Variants in ADGRV1 observed in about 807,000 individuals in gnomAD.
The protein encoded by ADGRV1 is adhesion G protein-coupled receptor V1, also known as G-protein coupled receptor 98.
A neutral mutation model predicts 596.2 loss-of-function variants in ADGRV1; 359 were observed. That is an observed-to-expected ratio of 0.60 (90% CI 0.55 to 0.66). The LOEUF (loss-of-function observed/expected upper bound fraction) is 0.66, where lower values mean the gene tolerates loss of function less well. Ranked by LOEUF, ADGRV1 falls within the 30% of genes least tolerant of loss-of-function variation. The probability of loss-of-function intolerance (pLI) is 0.00; values close to 1 mark genes in which losing one functional copy is unlikely to be tolerated. For synonymous variants in ADGRV1, 2,681 were observed against 2,679.2 expected, an observed-to-expected ratio of 1.00 and a Z score of -0.02; for missense variants, 7,274 against 7,575.6, an observed-to-expected ratio of 0.96 and a Z score of 1.48.
chr5:91,156,173 A>G lies in ADGRV1; in HGVS notation c.18802+2775A>G, dbSNP rs895644651. Among the ~76,000 whole-genome samples, 6 of 152,220 alleles carry G rather than the reference A, an allele frequency of 3.9e-5. 1 individual carries two copies. The South Asian group carries it at 8.3e-4, about 21-fold the overall frequency. On this transcript the variant is annotated intron_variant, in intron 89 of 89. Coordinates refer to ENST00000405460, the MANE Select transcript of ADGRV1 (RefSeq NM_032119.4). ...GATAAAAGGTAATGATTTGAAATGC[A>G]TCAGCACAGAGATGATATTTGAAGC...
chr5:90,792,631 A>G (rs1298876478), intron 70 of ADGRV1: 1 of 152,254 alleles, frequency 6.6e-6, no homozygotes, highest in Non-Finnish European at 1.5e-5. Flanking sequence ...AAGTTCCTAC[A>G]GCATATTTCT....
intron 83 of ADGRV1, among the ~76,000 whole-genome samples, chr5:90,891,396 G>A (rs1561902891): frequency 2.6e-5 from 4 of 151,422 alleles, no homozygotes; most frequent in Admixed American, 1.3e-4. Context: ...TGACTGATAA[G>A]TGATAGCTAT....
chr5:91,011,574 A>T (rs1013945042), intron 85 of ADGRV1, among the ~76,000 whole-genome samples: 22 of 152,026 alleles, frequency 1.4e-4, no homozygotes, highest in African/African-American at 5.3e-4. Flanking sequence ...ATATGTATTA[A>T]CATATTAATA....
At chr5:90,766,060 C>A (rs1311553495) in intron 59 of ADGRV1, among the ~76,000 whole-genome samples, 2 of 152,056 alleles carry the variant, frequency 1.3e-5, no homozygotes, top group African/African-American at 2.4e-5. Flanking sequence ...CAGGCGCCCG[C>A]CACCACACCT....
At chr5:90,881,587 A>C (rs1769778966) in intron 83 of ADGRV1, among the ~76,000 whole-genome samples, 1 of 152,166 alleles carries the variant, frequency 6.6e-6, no homozygotes. Context: ...GCAAAGGATA[A>C]AGATTGGGTG....
Position 90,614,997 on chromosome 5 carries a change from C to A in ADGRV1, c.185C>A (p.Ala62Glu). 6.8e-7 allele frequency: 1 copy of A among 1,474,330 alleles called. No individual in the cohort carries two copies. Among genetic ancestry groups the A allele is most frequent in the Non-Finnish European group, 9.1e-7 (1 of 1,104,828 alleles). 91.3% of individuals were successfully genotyped at this position (1,474,330 alleles called of 1,614,324 possible). A position where few individuals can be genotyped will look rare whatever the true frequency, so the allele number is the denominator to read the frequency against. Residue 62 changes from alanine (A) to glutamate (E), a missense_variant, in exon 2 of 90, where the codon GCA becomes GAA. Ala to Glu is a moderately radical substitution (Grantham distance 107). Transcript: ENST00000405460. ...ATCATTGAAAGGATAGGAGAGCCAGCAAATGTTACTGCAATTGTATCGGTA... is the reference window on the plus strand; with the variant it reads ...ATCATTGAAAGGATAGGAGAGCCAGAAAATGTTACTGCAATTGTATCGGTA... ...RLIIERIGEP[A>E]NVTAIVSLYG...
chr5:90,899,475 A>T (rs79029354), intron 83 of ADGRV1, among the ~76,000 whole-genome samples: 3,937 of 152,198 alleles, frequency 0.026, 156 homozygotes, highest in African/African-American at 0.09. Flanking sequence ...CAAAGCTGAA[A>T]AAACTTGGCC....
chr5:90,575,127 G>A (rs1274261838), intron 1 of ADGRV1, among the ~76,000 whole-genome samples: 4 of 151,574 alleles, frequency 2.6e-5, no homozygotes, highest in Non-Finnish European at 5.9e-5. Context: ...TCTGTGGGTA[G>A]CTTTGGGATT....
At chr5:90,568,205 T>C (rs1404833278) in intron 1 of ADGRV1, among the ~76,000 whole-genome samples, 1 of 152,134 alleles carries the variant, frequency 6.6e-6, no homozygotes, top group African/African-American at 2.4e-5. Flanking sequence ...GGTGGCAGTT[T>C]AGGTTCTTTA....
intron 82 of ADGRV1, 79 bp from the exon 83 acceptor site, chr5:90,863,678 C>T (rs982563589): frequency 2.0e-5 from 21 of 1,037,150 alleles, no homozygotes; most frequent in Non-Finnish European, 2.7e-5. Flanking sequence ...TGCCTAGCTG[C>T]CCCCAAAGAT....
At position 91,035,861 on chromosome 5, in the gene ADGRV1, T is replaced by TAAAA; in HGVS notation, c.18153-36586_18153-36585insAAAA. Among the ~76,000 whole-genome samples the TAAAA allele has an allele frequency of 1.2e-3, 116 of 96,370 alleles. 1 individual carries two copies. In the South Asian group the frequency reaches 0.014, roughly 11 times the overall value. The allele number at this position is 96,370 out of a possible 152,430, so 63.2% of individuals were successfully genotyped here. On this transcript the variant is annotated intron_variant, in intron 85 of 89. Coordinates refer to ENST00000405460, the MANE Select transcript of ADGRV1 (RefSeq NM_032119.4). ...ATGAGTGTGTATATATATATATATA[T>TAAAA]TATATATATATATATATATATCTTA...
chr5:90,841,080 T>C, intron 78 of ADGRV1, 95 bp downstream of exon 78: 1 of 815,884 alleles, frequency 1.2e-6, no homozygotes, highest in Non-Finnish European at 1.8e-6. Context: ...TTAACATTGG[T>C]TATTATGAAA....
At chr5:90,859,430 A>G (rs984760548) in intron 82 of ADGRV1, among the ~76,000 whole-genome samples, 1 of 152,012 alleles carries the variant, frequency 6.6e-6, no homozygotes, top group Non-Finnish European at 1.5e-5. Flanking sequence ...TTTAATAAAA[A>G]TTATTTTATT....
Position 90,705,565 on chromosome 5 carries a change from A to G in ADGRV1, c.8552A>G (p.Glu2851Gly). The G allele has an allele frequency of 1.2e-6, 2 of 1,613,474 alleles. No individual in the cohort carries two copies. Among genetic ancestry groups the G allele is most frequent in the Non-Finnish European group, 1.7e-6 (2 of 1,179,610 alleles). The change falls in exon 37 of 90, where the codon GAA becomes GGA. Residue 2851 changes from glutamate (E) to glycine (G), a missense_variant. Around this residue, in one of 5 missense-constraint regions of ADGRV1, gnomAD observed 3,643 missense variants for 3,809.2 expected, o/e 0.96. Coordinates refer to ENST00000405460, the MANE Select transcript of ADGRV1 (RefSeq NM_032119.4). ...ACAATTCAGCTTTTCATCAACAGAG[A>G]ATTTGGATCTCTAGGTTTGTGTTAC... ...NITIQLFINREFGSLGAINVT... is the reference protein window; with the variant it reads ...NITIQLFINRGFGSLGAINVT...
chr5:90,875,025 C>T (rs575870828), intron 83 of ADGRV1, among the ~76,000 whole-genome samples: 2 of 152,162 alleles, frequency 1.3e-5, no homozygotes, highest in East Asian at 1.9e-4. Context: ...TAAAGCAAAA[C>T]AAAACCAGAA....
At chr5:90,613,399 A>G (rs908821763) in intron 1 of ADGRV1, among the ~76,000 whole-genome samples, 1 of 152,070 alleles carries the variant, frequency 6.6e-6, no homozygotes, top group Non-Finnish European at 1.5e-5. Flanking sequence ...TTAGCTCAGA[A>G]CTGCTCCCCC....
At chr5:90,659,344 C>T (rs776556729) in intron 21 of ADGRV1, among the ~76,000 whole-genome samples, 28 of 152,176 alleles carry the variant, frequency 1.8e-4, no homozygotes, top group South Asian at 1.7e-3. Context: ...AATATAGGTG[C>T]GTTATTAACC....
chr5:90,728,987 T>G, intron 49 of ADGRV1, 54 bp downstream of exon 49: 4 of 1,213,096 alleles, frequency 3.3e-6, no homozygotes, highest in Non-Finnish European at 4.6e-6. Context: ...TCATCTAGCA[T>G]TCATATGGTA....
At chr5:90,766,310 C>T (rs1004795469) in intron 59 of ADGRV1, among the ~76,000 whole-genome samples, 1 of 152,048 alleles carries the variant, frequency 6.6e-6, no homozygotes, top group Admixed American at 6.6e-5. Context: ...GCCAATCAAC[C>T]ACGCTGGATG....
Sources: allele counts gnomAD v4.1 joint callset (sites outside exome capture counted in the v4.1 genomes callset), GRCh38; gene constraint gnomAD v4.1.1; regional missense constraint gnomAD v4.1.1; transcripts MANE v1.5; gene names NCBI Gene and HGNC (gene_info 2026-07-23, HGNC 2026-07-21).